ANAPC10: variants seen among roughly 807,000 people sequenced by gnomAD.
ANAPC10 encodes anaphase-promoting complex subunit 10.
In ANAPC10, 12 loss-of-function variants were observed where a neutral mutation model predicts 22.0. That is an observed-to-expected ratio of 0.55 (90% confidence interval 0.35 to 0.88). The LOEUF (loss-of-function observed/expected upper bound fraction) is 0.88, where lower values mean the gene tolerates loss of function less well. Ranked by LOEUF, ANAPC10 falls within the 40% of genes least tolerant of loss-of-function variation. The pLI is 0.01. For missense variants in ANAPC10, 188 were observed against 220.9 expected, an observed-to-expected ratio of 0.85 and a Z score of 0.94; for synonymous variants, 65 against 69.5, an observed-to-expected ratio of 0.94 and a Z score of 0.32.
intron 4 of ANAPC10, among the ~76,000 whole-genome samples, chr4:144,999,534 T>C (rs942074451): frequency 2.0e-5 from 3 of 152,056 alleles, no homozygotes; most frequent in Non-Finnish European, 4.4e-5. Context: ...TACAAACCAC[T>C]GCTCAATGAA....
intron 4 of ANAPC10, among the ~76,000 whole-genome samples, chr4:144,996,385 A>C (rs1731613302): frequency 1.3e-5 from 2 of 152,166 alleles, no homozygotes; most frequent in South Asian, 4.1e-4. Flanking sequence ...GAGAATCTAG[A>C]TACTGGAGAT....
chr4:145,061,372 T>C (rs890577015), intron 4 of ANAPC10, among the ~76,000 whole-genome samples: 4 of 152,144 alleles, frequency 2.6e-5, no homozygotes, highest in Non-Finnish European at 5.9e-5. Context: ...TTAATACAGA[T>C]ACCTAGAAAT....
At chr4:145,066,968 G>A (rs1172265602) in intron 3 of ANAPC10, among the ~76,000 whole-genome samples, 1 of 152,168 alleles carries the variant, frequency 6.6e-6, no homozygotes, top group East Asian at 1.9e-4. Flanking sequence ...GGTGTCTGTA[G>A]TTTTTTAAAT....
At position 145,044,757 on chromosome 4, in the gene ANAPC10, G is replaced by A. The variant is rs577382559; in HGVS notation, c.327+19815C>T. ...TAACCTCAGAAACATGACAATACTGGCTAACTAATGGGCTTTTTAGTTTAT... is the reference window on the plus strand; with the variant it reads ...TAACCTCAGAAACATGACAATACTGACTAACTAATGGGCTTTTTAGTTTAT... On this transcript the variant is annotated intron_variant, in intron 4 of 4. Transcript: ENST00000507656. Among the ~76,000 whole-genome samples, 3 of 152,024 alleles carry A rather than the reference G, an allele frequency of 2.0e-5. No individual in the cohort carries two copies. The East Asian group carries it at 5.8e-4, about 29-fold the overall frequency.
At position 144,995,387 on chromosome 4, in the gene ANAPC10, G is replaced by A. The variant is rs756072041; in HGVS notation, c.544C>T (p.Arg182Cys). The A allele has an allele frequency of 9.3e-6, 15 of 1,606,454 alleles. No homozygotes were observed. The highest frequency in any genetic ancestry group is 6.7e-5 in the East Asian group (3 of 44,782). Residue 182 changes from arginine to cysteine, a missense_variant, in exon 5 of 5, where the codon CGT becomes TGT. Arg to Cys is a radical substitution (Grantham distance 180, BLOSUM62 -3). Transcript: ENST00000507656. Reference protein sequence around the residue: ...RCTTIDFMMYRSIR With the variant: ...RCTTIDFMMYCSIR Reference sequence around the variant, plus strand: ...TCATTTTAAAGTCACCTTATTGAACGATACATCATGAAATCTATAGTTGTA... The same window carrying A: ...TCATTTTAAAGTCACCTTATTGAACAATACATCATGAAATCTATAGTTGTA...
At chr4:145,055,851 C>T (rs1741988004) in intron 4 of ANAPC10, among the ~76,000 whole-genome samples, 1 of 152,068 alleles carries the variant, frequency 6.6e-6, no homozygotes, top group Non-Finnish European at 1.5e-5. Flanking sequence ...CACGTGAATA[C>T]CATATATGTA....
At position 145,042,860 on chromosome 4, in the gene ANAPC10, C is replaced by A. The variant is rs191892268; in HGVS notation, c.327+21712G>T. 1.8e-4 allele frequency among the ~76,000 whole-genome samples: 27 copies of A among 151,708 alleles called. 1 individual carries two copies. Among genetic ancestry groups the A allele is most frequent in the African/African-American group, 5.8e-4 (24 of 41,390 alleles). ...GTGCTGGCACAATGGAATTTCAATACCCTAACTGCTTATTTCTCTGTACAT... is the reference window on the plus strand; with the variant it reads ...GTGCTGGCACAATGGAATTTCAATAACCTAACTGCTTATTTCTCTGTACAT... On this transcript the variant is annotated intron_variant, in intron 4 of 4. Transcript: ENST00000507656.
At chr4:145,097,344 C>A (rs779075473) in intron 1 of ANAPC10, 2 of 530,004 alleles carry the variant, frequency 3.8e-6, no homozygotes, top group Non-Finnish European at 6.1e-6. Context: ...TCTTTCACAT[C>A]TTTTGTTAAT....
rs190192236 is a variant in ANAPC10, at chr4:145,018,757, A to T, written c.328-23154T>A. ...TTAAAGTAAAGGAGTGGAAAAAGGC[A>T]TTTCATGTAAATGGACACCAAAAGT... On this transcript the variant is annotated intron_variant, in intron 4 of 4. Coordinates refer to ENST00000507656, the MANE Select transcript of ANAPC10 (RefSeq NM_001256706.2). Among the ~76,000 whole-genome samples, 5 of 152,322 alleles carry T rather than the reference A, an allele frequency of 3.3e-5. No homozygotes were observed. In the East Asian group the frequency reaches 9.6e-4, roughly 29 times the overall value.
At chr4:145,027,517 C>A (rs896144707) in intron 4 of ANAPC10, among the ~76,000 whole-genome samples, 1 of 152,064 alleles carries the variant, frequency 6.6e-6, no homozygotes, top group Non-Finnish European at 1.5e-5. Flanking sequence ...TTGATAGAAA[C>A]CATTGAGCAC....
intron 2 of ANAPC10, among the ~76,000 whole-genome samples, chr4:145,094,242 A>G (rs1404558845): frequency 1.3e-5 from 2 of 152,216 alleles, no homozygotes; most frequent in African/African-American, 4.8e-5. Flanking sequence ...CACTAGACCC[A>G]ATAAGCTACA....
intron 4 of ANAPC10, among the ~76,000 whole-genome samples, chr4:145,039,687 C>T (rs1739206220): frequency 1.3e-5 from 2 of 152,050 alleles, no homozygotes; most frequent in Non-Finnish European, 2.9e-5. Context: ...CTCCACCTCC[C>T]GGATTCAAGC....
intron 4 of ANAPC10, among the ~76,000 whole-genome samples, chr4:145,047,625 A>G (rs1244731606): frequency 2.0e-5 from 3 of 152,138 alleles, no homozygotes; most frequent in Non-Finnish European, 4.4e-5. Flanking sequence ...GCCTTTCATT[A>G]AATTTCCTCA....
chr4:145,020,368 T>G (rs546335156), intron 4 of ANAPC10, among the ~76,000 whole-genome samples: 1 of 152,120 alleles, frequency 6.6e-6, no homozygotes, highest in Non-Finnish European at 1.5e-5. Flanking sequence ...AAAAAGCATT[T>G]GACAAAATCC....
At chr4:145,061,873 C>A (rs565548116) in intron 4 of ANAPC10, among the ~76,000 whole-genome samples, 2 of 151,980 alleles carry the variant, frequency 1.3e-5, no homozygotes, top group African/African-American at 4.8e-5. Context: ...TTTGGGAGGC[C>A]GAGGTGGATA....
chr4:145,077,967 C>T (rs182261323), intron 3 of ANAPC10, among the ~76,000 whole-genome samples: 1 of 152,214 alleles, frequency 6.6e-6, no homozygotes, highest in East Asian at 1.9e-4. Context: ...CAGAACAAGA[C>T]AAAGATGCCC....
chr4:145,081,170 T>C (rs1458313663), intron 3 of ANAPC10, among the ~76,000 whole-genome samples: 1 of 151,862 alleles, frequency 6.6e-6, no homozygotes, highest in Non-Finnish European at 1.5e-5. Flanking sequence ...GTGGCTGTTT[T>C]TCCTTTCCCC....
At position 145,082,306 on chromosome 4, in the gene ANAPC10, C is replaced by T. The variant is rs965080362; in HGVS notation, c.116-556G>A. Among the ~76,000 whole-genome samples, 4 of 152,202 alleles carry T rather than the reference C, an allele frequency of 2.6e-5. No homozygotes were observed. In the East Asian group the frequency reaches 5.8e-4, roughly 22 times the overall value. On this transcript the variant is annotated intron_variant, in intron 2 of 4. Coordinates refer to ENST00000507656, the MANE Select transcript of ANAPC10 (RefSeq NM_001256706.2). Reference sequence around the variant, plus strand: ...CTGGGATTACAGGCACACGCCACCACGCCAGACTAATTTCATATTTTTAGT... The same window carrying T: ...CTGGGATTACAGGCACACGCCACCATGCCAGACTAATTTCATATTTTTAGT...
chr4:145,053,727 T>G, intron 4 of ANAPC10: 1 of 639,122 alleles, frequency 1.6e-6, no homozygotes, highest in Non-Finnish European at 2.8e-6. Context: ...TCTCATTCCT[T>G]TATCCTGAGA....
Sources: gnomAD v4.1 joint callset for allele counts (sites outside exome capture counted in the v4.1 genomes callset) on GRCh38, gnomAD v4.1.1 for gene constraint, MANE v1.5 for transcripts, NCBI Gene and HGNC (gene_info 2026-07-23, HGNC 2026-07-21) for gene names.